ARHGAP6: variants seen among roughly 807,000 people sequenced by gnomAD.
The protein encoded by ARHGAP6 is Rho GTPase activating protein 6, also known as rho GTPase-activating protein 6.
In ARHGAP6, 16 loss-of-function variants were observed where a neutral mutation model predicts 55.7. The ratio of observed to expected loss-of-function variants is 0.29; its 90% CI spans 0.19 to 0.44. The LOEUF (loss-of-function observed/expected upper bound fraction) is 0.44. Among genes scored for constraint, ARHGAP6 ranks in the 20% least tolerant of loss-of-function variants. ARHGAP6 has a pLI of 1.00. For synonymous variants in ARHGAP6, 382 were observed against 360.9 expected (o/e 1.06, Z -0.66); for missense variants, 698 against 808.9 (o/e 0.86, Z 1.66).
intron 1 of ARHGAP6, among the ~76,000 whole-genome samples, chrX:11,379,663 T>C (rs1054987421): frequency 8.9e-6 from 1 of 111,774 alleles, no homozygotes; most frequent in African/African-American, 3.3e-5. Context: ...TATTCATGTG[T>C]CTGTTGTTTA....
intron 1 of ARHGAP6, among the ~76,000 whole-genome samples, chrX:11,284,179 T>C (rs1174929187): frequency 9.0e-6 from 1 of 111,524 alleles, no homozygotes; most frequent in African/African-American, 3.3e-5. Context: ...ATTTAAGCAT[T>C]AAAGTTCATC....
At chrX:11,362,040 C>T (rs1034953509) in intron 1 of ARHGAP6, among the ~76,000 whole-genome samples, 13 of 111,831 alleles carry the variant, frequency 1.2e-4, no homozygotes, top group Non-Finnish European at 2.3e-4. Context: ...AATAGGAACA[C>T]TTTTACACTG....
chrX:11,354,351 A>G (rs946997196), intron 1 of ARHGAP6, among the ~76,000 whole-genome samples: 1 of 88,263 alleles, frequency 1.1e-5, no homozygotes, highest in East Asian at 3.6e-4. Context: ...ATATATATAT[A>G]TATATGTTCA....
intron 1 of ARHGAP6, among the ~76,000 whole-genome samples, chrX:11,408,681 AG>A (rs1676401352): frequency 9.1e-6 from 1 of 110,134 alleles, no homozygotes; most frequent in Non-Finnish European, 1.9e-5. Flanking sequence ...ATTGCCGTTC[AG>A]TGGGTGCCGG....
intron 1 of ARHGAP6, among the ~76,000 whole-genome samples, chrX:11,284,756 T>C (rs958337598): frequency 3.6e-5 from 4 of 111,767 alleles, no homozygotes; most frequent in African/African-American, 1.3e-4. Flanking sequence ...CCAACTTCAA[T>C]GCTACTGACA....
intron 1 of ARHGAP6, among the ~76,000 whole-genome samples, chrX:11,373,180 T>C (rs12013372): frequency 2.5e-4 from 27 of 110,080 alleles, no homozygotes; most frequent in African/African-American, 8.9e-4. Flanking sequence ...TGTCAGCCTT[T>C]TAAAGAGCTT....
intron 1 of ARHGAP6, among the ~76,000 whole-genome samples, chrX:11,633,582 A>G (rs1296963567): frequency 8.9e-6 from 1 of 111,792 alleles, no homozygotes; most frequent in African/African-American, 3.2e-5. Flanking sequence ...CAATCAACCT[A>G]TATTTACTGA....
At chrX:11,450,805 C>T (rs1332883586) in intron 1 of ARHGAP6, among the ~76,000 whole-genome samples, 2 of 111,435 alleles carry the variant, frequency 1.8e-5, no homozygotes, top group East Asian at 5.6e-4. Context: ...TACCCTGGGC[C>T]TCTGTCCACT....
intron 1 of ARHGAP6, chrX:11,351,765 A>G: frequency 7.1e-6 from 1 of 140,788 alleles, no homozygotes; most frequent in Non-Finnish European, 1.3e-5. Flanking sequence ...CAGCTCTGTT[A>G]TGGTTAAATG....
rs200163085 is a variant in ARHGAP6 at position 11,298,155 on chromosome X, A to G, written c.589-43448T>C. ...GACAGGACTGCATTAGTGAGTCTATATTTCCTACTGCATCAGTGAGTTTCT... is the reference window on the plus strand; with the variant it reads ...GACAGGACTGCATTAGTGAGTCTATGTTTCCTACTGCATCAGTGAGTTTCT... On this transcript the variant is annotated intron_variant, in intron 1 of 12. Coordinates refer to ENST00000337414, the MANE Select transcript of ARHGAP6 (RefSeq NM_013427.3). The G allele has an allele frequency of 4.6e-3, 5,573 of 1,207,408 alleles. 17 individuals carry two copies. Among genetic ancestry groups the G allele is most frequent in the Middle Eastern group, 0.019 (82 of 4,329 alleles).
At chrX:11,365,742 T>C (rs1310608953) in intron 1 of ARHGAP6, among the ~76,000 whole-genome samples, 1 of 112,571 alleles carries the variant, frequency 8.9e-6, no homozygotes, top group Non-Finnish European at 1.9e-5. Flanking sequence ...GGGTTCCAAT[T>C]CCTGGCCTTA....
intron 1 of ARHGAP6, chrX:11,300,569 G>A (rs746272574): frequency 8.8e-7 from 1 of 1,134,926 alleles, no homozygotes; most frequent in Non-Finnish European, 1.2e-6. Context: ...AGGAACATTT[G>A]TAAATTATTT....
chrX:11,164,462 C>T (rs980197214), intron 9 of ARHGAP6, among the ~76,000 whole-genome samples: 2 of 112,003 alleles, frequency 1.8e-5, no homozygotes, highest in African/African-American at 6.5e-5. Context: ...GCTTGATGAC[C>T]TGGATGAATG....
At chrX:11,419,758 T>C (rs1011669298) in intron 1 of ARHGAP6, among the ~76,000 whole-genome samples, 2 of 112,326 alleles carry the variant, frequency 1.8e-5, no homozygotes, top group Non-Finnish European at 1.9e-5. Flanking sequence ...GACTGGCTTA[T>C]ACATTTCTTT....
intron 1 of ARHGAP6, among the ~76,000 whole-genome samples, chrX:11,491,300 C>T (rs998055461): frequency 4.9e-4 from 54 of 111,157 alleles, no homozygotes; most frequent in East Asian, 2.8e-4. Flanking sequence ...GCCATGCTGG[C>T]GTGCTGCACC....
intron 1 of ARHGAP6, among the ~76,000 whole-genome samples, chrX:11,295,250 C>T (rs986289378): frequency 1.8e-5 from 2 of 111,299 alleles, no homozygotes; most frequent in Non-Finnish European, 3.8e-5. Flanking sequence ...CAATTCCTCT[C>T]AAGATTCCAA....
chrX:11,192,600 T>C (rs2046474917), intron 3 of ARHGAP6, among the ~76,000 whole-genome samples: 1 of 112,672 alleles, frequency 8.9e-6, no homozygotes, highest in Non-Finnish European at 1.9e-5. Context: ...AAATTAAAAG[T>C]TGTATGAGCT....
At chrX:11,391,194 G>C (rs1389790251) in intron 1 of ARHGAP6, among the ~76,000 whole-genome samples, 7 of 111,390 alleles carry the variant, frequency 6.3e-5, no homozygotes, top group South Asian at 7.6e-4. Context: ...AACCATCATT[G>C]TGAGCAAACT....
intron 1 of ARHGAP6, among the ~76,000 whole-genome samples, chrX:11,502,209 C>T (rs2050686689): frequency 8.9e-6 from 1 of 112,367 alleles, no homozygotes; most frequent in Middle Eastern, 4.6e-3. Flanking sequence ...ACAATCTGAA[C>T]GTCACAAAAA....
Sources: allele counts gnomAD v4.1 joint callset (sites outside exome capture counted in the v4.1 genomes callset), GRCh38; gene constraint gnomAD v4.1.1; transcripts MANE v1.5; gene names NCBI Gene and HGNC (gene_info 2026-07-23, HGNC 2026-07-21).